The following HS6ST2 variants were observed in gnomAD, a reference collection of about 807,000 sequenced individuals.
The protein encoded by HS6ST2 is heparan-sulfate 6-O-sulfotransferase 2.
In HS6ST2, 17 loss-of-function variants were observed where a neutral mutation model predicts 33.0. That is an observed-to-expected ratio of 0.52 (90% CI 0.35 to 0.77). HS6ST2 has a LOEUF of 0.77. HS6ST2 is among the 30% of genes least tolerant of loss of function. The pLI, the probability that HS6ST2 is intolerant of heterozygous loss-of-function variation, is 0.01. For synonymous variants in HS6ST2, 248 were observed against 237.1 expected (o/e 1.05, Z -0.42); for missense variants, 519 against 551.7 (o/e 0.94, Z 0.59).
intron 2 of HS6ST2, among the ~76,000 whole-genome samples, chrX:132,935,367 C>T (rs1223400939): frequency 1.8e-5 from 2 of 111,489 alleles, no homozygotes; most frequent in Non-Finnish European, 3.8e-5. Context: ...TGTGTCTCAA[C>T]ATATTTTTTT....
chrX:132,945,628 G>A (rs1269344089), intron 2 of HS6ST2, among the ~76,000 whole-genome samples: 5 of 110,246 alleles, frequency 4.5e-5, no homozygotes, highest in African/African-American at 1.7e-4. Flanking sequence ...ATGACAGACT[G>A]GATTAAGAAA....
intron 2 of HS6ST2, among the ~76,000 whole-genome samples, chrX:132,942,294 T>G (rs934267245): frequency 2.7e-5 from 3 of 112,373 alleles, no homozygotes; most frequent in Admixed American, 1.9e-4. Context: ...TAAGTGGCCA[T>G]CAGCCCAATG....
chrX:132,860,838 A>AGT (rs1332999290), intron 2 of HS6ST2, among the ~76,000 whole-genome samples: 25 of 80,850 alleles, frequency 3.1e-4, no homozygotes, highest in Non-Finnish European at 4.8e-4. Flanking sequence ...CCCAGGCTGG[A>AGT]GTGCAGTGGT....
intron 2 of HS6ST2, among the ~76,000 whole-genome samples, chrX:132,713,050 A>C (rs1040030385): frequency 9.0e-6 from 1 of 110,798 alleles, no homozygotes; most frequent in Non-Finnish European, 1.9e-5. Flanking sequence ...AACAAAAAAA[A>C]CAGCAAAAAA....
At chrX:132,915,659 A>T (rs763088732) in intron 2 of HS6ST2, among the ~76,000 whole-genome samples, 72 of 111,445 alleles carry the variant, frequency 6.5e-4, no homozygotes, top group African/African-American at 2.3e-3. Context: ...AGATGTAAGG[A>T]AAAGGAGAAT....
At chrX:132,804,055 A>G (rs940845623) in intron 2 of HS6ST2, among the ~76,000 whole-genome samples, 4 of 112,199 alleles carry the variant, frequency 3.6e-5, no homozygotes, top group African/African-American at 9.7e-5. Context: ...AACTATATTG[A>G]TAATTTATAT....
At chrX:132,956,701 G>C in intron 2 of HS6ST2, 107 bp downstream of exon 2, 1 of 959,928 alleles carries the variant, frequency 1.0e-6, no homozygotes, top group Non-Finnish European at 1.4e-6. Flanking sequence ...GGGTGCAAAC[G>C]CCCGGGCGTC....
At chrX:132,892,532 A>T (rs2066327098) in intron 2 of HS6ST2, among the ~76,000 whole-genome samples, 1 of 112,635 alleles carries the variant, frequency 8.9e-6, no homozygotes, top group South Asian at 3.7e-4. Flanking sequence ...TAAAATGGCA[A>T]CACAGGCTGG....
At chrX:132,664,490 C>T (rs755532053) in intron 4 of HS6ST2, among the ~76,000 whole-genome samples, 13 of 111,797 alleles carry the variant, frequency 1.2e-4, no homozygotes, top group African/African-American at 2.6e-4. Context: ...AGGTTAGAGC[C>T]GGTCTTACCA....
At chrX:132,656,120 G>A (rs1297354156) in intron 4 of HS6ST2, among the ~76,000 whole-genome samples, 1 of 111,719 alleles carries the variant, frequency 9.0e-6, no homozygotes, top group African/African-American at 3.3e-5. Context: ...TTTCCTCCAA[G>A]TGTTTCAGAT....
At chrX:132,893,584 A>G (rs1184963318) in intron 2 of HS6ST2, among the ~76,000 whole-genome samples, 1 of 111,593 alleles carries the variant, frequency 9.0e-6, no homozygotes, top group African/African-American at 3.3e-5. Context: ...TCAGGGTATG[A>G]GCTCCAATGC....
intron 2 of HS6ST2, among the ~76,000 whole-genome samples, chrX:132,839,222 C>T (rs2065678736): frequency 1.0e-5 from 1 of 99,529 alleles, no homozygotes; most frequent in Admixed American, 1.2e-4. Flanking sequence ...GACACGGAAT[C>T]GATCTAAGTG....
At chrX:132,876,053 T>TA (rs1370367805) in intron 2 of HS6ST2, among the ~76,000 whole-genome samples, 1 of 111,776 alleles carries the variant, frequency 8.9e-6, no homozygotes, top group African/African-American at 3.3e-5. Context: ...ATGAGAGGCT[T>TA]CAGTAATGAG....
chrX:132,821,475 G>C (rs931996589), intron 2 of HS6ST2, among the ~76,000 whole-genome samples: 2 of 109,825 alleles, frequency 1.8e-5, no homozygotes, highest in Admixed American at 2.0e-4. Context: ...GCCTCCCAAA[G>C]TGCTGGGATT....
chrX:132,958,562 G>C lies in HS6ST2; in HGVS notation c.41C>G (p.Pro14Arg). 8.5e-7 allele frequency: 1 copy of C among 1,181,802 alleles called. No homozygotes were observed. Among genetic ancestry groups the C allele is most frequent in the Non-Finnish European group, 1.1e-6 (1 of 880,656 alleles). ...PACAVREFEP[P>R]RQPERGAPVR... ...GGGCGCTCCTCGCTCCGGTTGCCGCGGCGGCTCGAACTCCCGGACTGCACA... is the reference window on the plus strand; with the variant it reads ...GGGCGCTCCTCGCTCCGGTTGCCGCCGCGGCTCGAACTCCCGGACTGCACA... Residue 14 changes from proline (P) to arginine (R), a missense_variant, in exon 1 of 5, where the codon CCG becomes CGG. Pro to Arg is a moderately radical substitution (Grantham distance 103). Coordinates refer to ENST00000370833, the MANE Select transcript of HS6ST2 (RefSeq NM_001394073.1).
At chrX:132,776,034 C>T (rs1207387398) in intron 2 of HS6ST2, among the ~76,000 whole-genome samples, 1 of 106,991 alleles carries the variant, frequency 9.3e-6, no homozygotes, top group Non-Finnish European at 1.9e-5. Flanking sequence ...AGTTGTTAAA[C>T]TCATCAATGT....
At chrX:132,735,849 TA>T (rs2064503172) in intron 2 of HS6ST2, among the ~76,000 whole-genome samples, 3 of 111,581 alleles carry the variant, frequency 2.7e-5, no homozygotes, top group Admixed American at 9.5e-5. Flanking sequence ...TTTATTTATT[TA>T]TTTTTTTGAG....
intron 2 of HS6ST2, among the ~76,000 whole-genome samples, chrX:132,784,720 C>T (rs973554461): frequency 3.6e-5 from 4 of 111,664 alleles, no homozygotes; most frequent in African/African-American, 1.3e-4. Flanking sequence ...AAACAAGAGC[C>T]CCCTCTTCTG....
rs149773334 is a variant in HS6ST2 at position 132,846,257 on chromosome X, T to C, written c.947+110551A>G. Among the ~76,000 whole-genome samples, 496 of 112,250 alleles carry C rather than the reference T, an allele frequency of 4.4e-3. 2 individuals are homozygous for C. Among genetic ancestry groups the C allele is most frequent in the African/African-American group, 0.015 (477 of 30,931 alleles). The stretch of plus-strand genomic sequence containing the variant: ...CTGGTCTACTCTTGGGGATCAAAAA[T>C]TGCACATTTGTCCCTTGGAAAAAAC... On this transcript the variant is annotated intron_variant, in intron 2 of 4. Transcript: ENST00000370833.
Sources: gnomAD v4.1 joint callset for allele counts (sites outside exome capture counted in the v4.1 genomes callset) on GRCh38, gnomAD v4.1.1 for gene constraint, MANE v1.5 for transcripts, NCBI Gene and HGNC (gene_info 2026-07-23, HGNC 2026-07-21) for gene names.